The following UTRN variants were observed in gnomAD, a reference collection of about 807,000 sequenced individuals.
The protein encoded by UTRN is utrophin.
UTRN carries 283 observed loss-of-function variants against 463.9 expected under a neutral mutation model. That is an observed-to-expected ratio of 0.61 (90% CI 0.55 to 0.67). UTRN has a LOEUF of 0.67. Among genes scored for constraint, UTRN ranks in the 30% least tolerant of loss-of-function variants. The pLI, the probability that UTRN is intolerant of heterozygous loss-of-function variation, is 0.00. For synonymous variants in UTRN, 1,442 were observed against 1,431.5 expected (o/e 1.01, Z -0.17); for missense variants, 3,922 against 4,084.3 (o/e 0.96, Z 1.08).
At chr6:144,611,711 CAAAT>C (rs1460602081) in intron 51 of UTRN, among the ~76,000 whole-genome samples, 1 of 152,046 alleles carries the variant, frequency 6.6e-6, no homozygotes, top group African/African-American at 2.4e-5. Context: ...AAAGAAAACA[CAAAT>C]AAATGGAAAG....
intron 57 of UTRN, among the ~76,000 whole-genome samples, chr6:144,755,479 T>C (rs1330287308): frequency 6.6e-6 from 1 of 152,214 alleles, no homozygotes; most frequent in Non-Finnish European, 1.5e-5. Flanking sequence ...AAACATTCAT[T>C]CTGTCGCTTA....
chr6:144,744,305 CATAT>C lies in UTRN; in HGVS notation c.7940-3928_7940-3925del, dbSNP rs367840531. 5.3e-3 allele frequency among the ~76,000 whole-genome samples: 512 copies of C among 97,372 alleles called. 11 individuals carry two copies. The highest frequency in any genetic ancestry group is 0.021 in the East Asian group (55 of 2,592). The allele number at this position is 97,372 out of a possible 152,430, so 63.9% of individuals were successfully genotyped here. ...CTGACTAAAAAAAAAATGGTGTATACATATATATATATATATGTGTGTGTGTGTG... is the reference window on the plus strand; with the variant it reads ...CTGACTAAAAAAAAAATGGTGTATACATATATATATATGTGTGTGTGTGTG... On this transcript the variant is annotated intron_variant, in intron 54 of 74. Transcript: ENST00000367545.
At chr6:144,453,693 G>A in intron 18 of UTRN, 89 bp from the exon 19 acceptor site, 1 of 1,005,474 alleles carries the variant, frequency 9.9e-7, no homozygotes, top group Non-Finnish European at 1.5e-6. Flanking sequence ...AAAGAATGTA[G>A]GAGGGCCATT....
At chr6:144,731,863 T>C (rs992079683) in intron 54 of UTRN, among the ~76,000 whole-genome samples, 11 of 110,098 alleles carry the variant, frequency 1.0e-4, no homozygotes, top group Non-Finnish European at 1.7e-4. Flanking sequence ...TTATTTCTTT[T>C]CTTTTTCTTT....
intron 23 of UTRN, among the ~76,000 whole-genome samples, chr6:144,473,243 G>A (rs1018483768): frequency 1.3e-5 from 2 of 152,156 alleles, no homozygotes; most frequent in African/African-American, 4.8e-5. Context: ...GGAGCTGAAC[G>A]GGGACTGTCT....
chr6:144,788,251 C>G (rs1054962832), intron 61 of UTRN, among the ~76,000 whole-genome samples: 27 of 152,106 alleles, frequency 1.8e-4, no homozygotes, highest in African/African-American at 6.3e-4. Context: ...TGTCTAAGAT[C>G]ACTGACTATT....
Position 144,447,212 on chromosome 6 carries a change from G to GAAACTTTGTTATTGTAA in UTRN, c.1616_1617insAAACTTTGTTATTGTAA (p.Cys539Ter). On this transcript the variant is annotated stop_gained and frameshift_variant and splice_region_variant, in exon 15 of 75. Coordinates refer to ENST00000367545, the MANE Select transcript of UTRN (RefSeq NM_007124.3). LOFTEE classifies it high-confidence loss of function. ...TTCAACTTTTGTTATTACTTGTAGT[G>GAAACTTTGTTATTGTAA]CTTGTTGAAAGCTTGGTTAACCGAA... 1 of 1,613,492 alleles carries GAAACTTTGTTATTGTAA rather than the reference G, an allele frequency of 6.2e-7. No individual in the cohort carries two copies. Among genetic ancestry groups the GAAACTTTGTTATTGTAA allele is most frequent in the Middle Eastern group, 1.7e-4 (1 of 6,058 alleles).
chr6:144,636,204 C>T (rs1009333582), intron 51 of UTRN, among the ~76,000 whole-genome samples: 1 of 151,928 alleles, frequency 6.6e-6, no homozygotes, highest in Non-Finnish European at 1.5e-5. Context: ...CCATGGAGTA[C>T]TATGCAGCCA....
At chr6:144,384,291 G>A (rs971634531) in intron 2 of UTRN, among the ~76,000 whole-genome samples, 7 of 152,018 alleles carry the variant, frequency 4.6e-5, no homozygotes, top group African/African-American at 1.4e-4. Context: ...GTGGGTAATC[G>A]AGCATTACCT....
chr6:144,427,796 GC>G (rs1185640608), intron 7 of UTRN, among the ~76,000 whole-genome samples: 1 of 152,150 alleles, frequency 6.6e-6, no homozygotes, highest in Non-Finnish European at 1.5e-5. Context: ...CGTGTGGGGT[GC>G]CTTTTATGTG....
At chr6:144,383,637 T>G (rs1781134229) in intron 2 of UTRN, among the ~76,000 whole-genome samples, 1 of 152,208 alleles carries the variant, frequency 6.6e-6, no homozygotes. Flanking sequence ...CAAATGGTTA[T>G]CTCTAGTTGC....
chr6:144,582,641 A>G (rs78888928), intron 51 of UTRN, among the ~76,000 whole-genome samples: 2,159 of 152,320 alleles, frequency 0.014, 58 homozygotes, highest in African/African-American at 0.049. Context: ...GTAGTCAATT[A>G]CAGACTTTTA....
chr6:144,301,721 AG>A (rs1584197555), intron 2 of UTRN, among the ~76,000 whole-genome samples: 2 of 151,528 alleles, frequency 1.3e-5, no homozygotes, highest in South Asian at 4.2e-4. Context: ...TTTTAGTAGA[AG>A]TGGAGTTTCA....
At chr6:144,502,139 A>T (rs1308771283) in intron 34 of UTRN, among the ~76,000 whole-genome samples, 1 of 151,212 alleles carries the variant, frequency 6.6e-6, no homozygotes, top group Non-Finnish European at 1.5e-5. Context: ...ATCCTTCTGA[A>T]TATTTTTTAA....
At chr6:144,447,122 A>C in intron 14 of UTRN, 89 bp from the exon 15 acceptor site, 1 of 1,241,506 alleles carries the variant, frequency 8.1e-7, no homozygotes, top group Non-Finnish European at 1.1e-6. Context: ...AGCCTCTAAT[A>C]AAATAAAAGT....
intron 33 of UTRN, among the ~76,000 whole-genome samples, chr6:144,495,983 T>C (rs1201916818): frequency 6.6e-6 from 1 of 152,156 alleles, no homozygotes; most frequent in East Asian, 1.9e-4. Flanking sequence ...ATCAGGGCTC[T>C]AGTAAATAAC....
chr6:144,754,945 G>A lies in UTRN; in HGVS notation c.8434+147G>A, dbSNP rs532443493. The A allele has an allele frequency of 1.6e-5, 11 of 709,642 alleles. No individual in the cohort carries two copies. In the East Asian group the frequency reaches 2.8e-4, roughly 18 times the overall value. 44.0% of individuals were successfully genotyped at this position (709,642 alleles called of 1,614,324 possible). A position where few individuals can be genotyped will look rare whatever the true frequency, so the allele number is the denominator to read the frequency against. On this transcript the variant is annotated intron_variant, in intron 57 of 74. Transcript: ENST00000367545. ...AGGTACTAACATCAAAGAAAATATTGCTTAATGGTTATTATTTGTAATAAC... is the reference window on the plus strand; with the variant it reads ...AGGTACTAACATCAAAGAAAATATTACTTAATGGTTATTATTTGTAATAAC...
intron 2 of UTRN, among the ~76,000 whole-genome samples, chr6:144,380,168 G>A (rs1043413003): frequency 1.3e-5 from 2 of 152,160 alleles, no homozygotes; most frequent in Non-Finnish European, 2.9e-5. Flanking sequence ...TAATAACAGA[G>A]TGGGAGATAT....
At position 144,433,112 on chromosome 6, in the gene UTRN, G is replaced by C. The variant is rs374704257; in HGVS notation, c.856-2823G>C. Among the ~76,000 whole-genome samples, 3 of 151,972 alleles carry C rather than the reference G, an allele frequency of 2.0e-5. No homozygotes were observed. The East Asian group carries it at 5.8e-4, about 29-fold the overall frequency. The stretch of plus-strand genomic sequence containing the variant: ...TTCTACACAGACACGGCAACCATCC[G>C]ATTTCTCAATCTTTTCCCCACCTTT... On this transcript the variant is annotated intron_variant, in intron 9 of 74. Transcript: ENST00000367545.
Sources: allele counts gnomAD v4.1 joint callset (sites outside exome capture counted in the v4.1 genomes callset), GRCh38; gene constraint gnomAD v4.1.1; transcripts MANE v1.5; gene names NCBI Gene and HGNC (gene_info 2026-07-23, HGNC 2026-07-21).